Variants in FLRT1 observed in about 807,000 individuals in gnomAD.
FLRT1 encodes the protein fibronectin leucine rich transmembrane protein 1.
FLRT1 carries 14 observed loss-of-function variants against 30.9 expected under a neutral mutation model. That is an observed-to-expected ratio of 0.45 (90% CI 0.30 to 0.71). The LOEUF is 0.71. Among genes scored for constraint, FLRT1 ranks in the 30% least tolerant of loss-of-function variants. FLRT1 has a pLI of 0.08. For synonymous variants in FLRT1, 368 were observed against 430.4 expected, an observed-to-expected ratio of 0.85 and a Z score of 1.80; for missense variants, 737 against 949.2, an observed-to-expected ratio of 0.78 and a Z score of 2.94.
chr11:64,098,339 C>G (rs898793836), intron 1 of FLRT1, among the ~76,000 whole-genome samples: 3 of 152,202 alleles, frequency 2.0e-5, no homozygotes, highest in African/African-American at 4.8e-5. Flanking sequence ...TGACCTCTCA[C>G]TATACCAAGC....
intron 1 of FLRT1, among the ~76,000 whole-genome samples, chr11:64,044,291 G>A (rs1943544245): frequency 7.0e-6 from 1 of 143,712 alleles, no homozygotes. Flanking sequence ...TTGCTCTGTC[G>A]CCCAGGCTGG....
Position 64,106,869 on chromosome 11 carries a change from T to C in FLRT1, c.-50+2688T>C, listed in dbSNP as rs184354188. ...CTTCCCTCTGAAATTCCACTGGGCT[T>C]TCTTTTATTTATTTTATTTTATTTT... On this transcript the variant is annotated intron_variant, in intron 2 of 2. Coordinates refer to ENST00000682287, the MANE Select transcript of FLRT1 (RefSeq NM_013280.5). Among the ~76,000 whole-genome samples the C allele has an allele frequency of 1.6e-3, 245 of 152,236 alleles. 1 individual carries two copies. Among genetic ancestry groups the C allele is most frequent in the African/African-American group, 5.6e-3 (233 of 41,562 alleles).
intron 1 of FLRT1, among the ~76,000 whole-genome samples, chr11:64,059,955 G>T (rs1300092704): frequency 6.6e-6 from 1 of 152,200 alleles, no homozygotes; most frequent in Admixed American, 6.5e-5. Context: ...GGGATGTTGG[G>T]GGGCCGGGGC....
At chr11:64,085,574 G>A (rs1435618908) in intron 1 of FLRT1, among the ~76,000 whole-genome samples, 3 of 152,178 alleles carry the variant, frequency 2.0e-5, no homozygotes, top group Non-Finnish European at 2.9e-5. Flanking sequence ...CCGCCCGCCC[G>A]GGTCCACCCC....
At chr11:64,078,934 C>T (rs1007412489) in intron 1 of FLRT1, among the ~76,000 whole-genome samples, 6 of 152,146 alleles carry the variant, frequency 3.9e-5, no homozygotes, top group Non-Finnish European at 5.9e-5. Flanking sequence ...TATGCCAGTG[C>T]GGTTAAGGGT....
At chr11:64,091,767 T>C (rs1245534417) in intron 1 of FLRT1, among the ~76,000 whole-genome samples, 1 of 152,160 alleles carries the variant, frequency 6.6e-6, no homozygotes, top group Non-Finnish European at 1.5e-5. Context: ...CAGCAAGGCT[T>C]ACTGTTCTTC....
intron 1 of FLRT1, among the ~76,000 whole-genome samples, chr11:64,050,174 C>T (rs1230309367): frequency 3.3e-5 from 5 of 152,114 alleles, no homozygotes; most frequent in African/African-American, 1.2e-4. Context: ...CCCACCTCTC[C>T]CTCCACCCAT....
At chr11:64,105,428 G>A (rs1176727948) in intron 2 of FLRT1, among the ~76,000 whole-genome samples, 1 of 152,236 alleles carries the variant, frequency 6.6e-6, no homozygotes, top group East Asian at 1.9e-4. Flanking sequence ...GTTGGGGCCT[G>A]GCCCTCTGGT....
chr11:64,038,310 G>A (rs1219605602), intron 1 of FLRT1, among the ~76,000 whole-genome samples: 1 of 152,208 alleles, frequency 6.6e-6, no homozygotes, highest in Non-Finnish European at 1.5e-5. Context: ...CTCTGGGACC[G>A]GCTTCCTTGC....
intron 1 of FLRT1, among the ~76,000 whole-genome samples, chr11:64,097,535 C>T (rs896393746): frequency 2.0e-5 from 3 of 152,250 alleles, no homozygotes; most frequent in Non-Finnish European, 2.9e-5. Context: ...GCCCGCCGGC[C>T]GGGCGGCACA....
intron 2 of FLRT1, among the ~76,000 whole-genome samples, chr11:64,114,563 GGATGGAT>G (rs1944939407): frequency 6.7e-6 from 1 of 148,912 alleles, no homozygotes; most frequent in Admixed American, 6.7e-5. Flanking sequence ...ATGGATGGAT[GGATGGAT>G]GGACAGGTAG....
intron 1 of FLRT1, among the ~76,000 whole-genome samples, chr11:64,039,227 G>A (rs1452270112): frequency 6.6e-6 from 1 of 152,114 alleles, no homozygotes; most frequent in Non-Finnish European, 1.5e-5. Context: ...AGCGAGCGTG[G>A]GTGGACAAGA....
intron 1 of FLRT1, among the ~76,000 whole-genome samples, chr11:64,075,666 T>C (rs1944186906): frequency 6.6e-6 from 1 of 152,238 alleles, no homozygotes. Context: ...AATCTGGCCC[T>C]GGCTGCTGCT....
chr11:64,062,189 G>C (rs1015815172), intron 1 of FLRT1, among the ~76,000 whole-genome samples: 5 of 152,006 alleles, frequency 3.3e-5, no homozygotes, highest in Admixed American at 3.3e-4. Flanking sequence ...ACAGGGGCCT[G>C]GTTCTGCCAC....
At chr11:64,088,330 A>T (rs1276719777) in intron 1 of FLRT1, among the ~76,000 whole-genome samples, 1 of 151,546 alleles carries the variant, frequency 6.6e-6, no homozygotes, top group Non-Finnish European at 1.5e-5. Flanking sequence ...GGGGCCAGGG[A>T]GGGGCAGCAT....
chr11:64,060,937 C>CGCGGCG (rs544654619), intron 1 of FLRT1, among the ~76,000 whole-genome samples: 48 of 151,422 alleles, frequency 3.2e-4, no homozygotes, highest in African/African-American at 1.1e-3. Flanking sequence ...GCATGCGCAC[C>CGCGGCG]GCGGCGGCGG....
chr11:64,054,984 C>T (rs1225338097), intron 1 of FLRT1, among the ~76,000 whole-genome samples: 1 of 152,168 alleles, frequency 6.6e-6, no homozygotes, highest in Non-Finnish European at 1.5e-5. Context: ...CAGCCCTTTC[C>T]TACCGCCACT....
intron 1 of FLRT1, among the ~76,000 whole-genome samples, chr11:64,068,909 C>T (rs1490858534): frequency 6.6e-6 from 1 of 152,248 alleles, no homozygotes; most frequent in Non-Finnish European, 1.5e-5. Flanking sequence ...GGGAAATGGG[C>T]ATCCGTGTGA....
chr11:64,096,981 A>C lies in FLRT1; in HGVS notation c.-1037-6213A>C, dbSNP rs1944588021. On this transcript the variant is annotated intron_variant, in intron 1 of 2. Coordinates refer to ENST00000682287, the MANE Select transcript of FLRT1 (RefSeq NM_013280.5). This position sits in a 1 kb window ranked among gnomAD's most constrained non-coding sequence, Gnocchi z 4.6. ...CGTCTGGGCCCGGGAGTTCCTGCCT[A>C]CCCTTGCTGGGAGGAGATTGCAAAG... Among the ~76,000 whole-genome samples, 1 of 151,994 alleles carries C rather than the reference A, an allele frequency of 6.6e-6. No individual in the cohort carries two copies. The highest frequency in any genetic ancestry group is 2.1e-4 in the South Asian group (1 of 4,822).
Sources: allele counts gnomAD v4.1 joint callset (sites outside exome capture counted in the v4.1 genomes callset), GRCh38; gene constraint gnomAD v4.1.1; non-coding constraint Gnocchi (gnomAD v3.1); transcripts MANE v1.5; gene names NCBI Gene and HGNC (gene_info 2026-07-23, HGNC 2026-07-21).